Variants in CTR9 observed in about 807,000 individuals in gnomAD.
CTR9 encodes the protein RNA polymerase-associated protein CTR9 homolog.
In CTR9, 41 loss-of-function variants were observed where a neutral mutation model predicts 152.1. That is an observed-to-expected ratio of 0.27 (90% CI 0.21 to 0.35). The LOEUF is 0.35. Among genes scored for constraint, CTR9 ranks in the 10% least tolerant of loss-of-function variants. The pLI is 1.00. For missense variants in CTR9, 917 were observed against 1,424.4 expected (o/e 0.64, Z 5.73); for synonymous variants, 476 against 496.2 (o/e 0.96, Z 0.54).
intron 24 of CTR9, among the ~76,000 whole-genome samples, 180 bp downstream of exon 24, chr11:10,775,813 C>T (rs1449403498): frequency 1.3e-5 from 2 of 152,082 alleles, no homozygotes; most frequent in African/African-American, 2.4e-5. Flanking sequence ...GTTGCTGTGC[C>T]GAAATGGCTT....
chr11:10,779,061 G>A lies in CTR9; in HGVS notation c.3478G>A (p.Ala1160Thr), dbSNP rs1451911867. ...ESEPEGSNNE[A>T]SDRGSEHGSD... ...GGAACCAGAGGGATCCAACAATGAG[G>A]CCTCAGATAGAGGCTCAGAACATGG... Residue 1160 changes from alanine (A) to threonine (T), a missense_variant, in exon 25 of 25, where the codon GCC (alanine) becomes ACC (threonine). By Grantham distance (58) the Ala-to-Thr change is moderately conservative. Around this residue, in one of 9 missense-constraint regions of CTR9, gnomAD observed 384 missense variants for 398.4 expected, o/e 0.96. Transcript: ENST00000361367. 6.2e-7 allele frequency: 1 copy of A among 1,614,112 alleles called. No homozygotes were observed. Among genetic ancestry groups the A allele is most frequent in the South Asian group, 1.1e-5 (1 of 91,082 alleles).
intron 6 of CTR9, among the ~76,000 whole-genome samples, chr11:10,761,360 T>C (rs1220553592): frequency 3.0e-5 from 2 of 66,732 alleles, no homozygotes; most frequent in Non-Finnish European, 5.8e-5. Context: ...AAAATCTGGA[T>C]TCTGTTAGCA....
rs756767617 is a variant in CTR9, at chr11:10,775,225, A to G, written c.2904A>G (p.Glu968=). The part of the protein sequence containing the change: ...KKRRRHPKGE[E]GSDDDETENG... ...ATTTAAGACATCCAAAGGGAGAAGA[A>G]GGATCTGATGATGATGAAACAGAAA... Residue 968 remains glutamate, a synonymous_variant, in exon 23 of 25, where the codon GAA becomes GAG. Coordinates refer to ENST00000361367, the MANE Select transcript of CTR9 (RefSeq NM_014633.5). The G allele has an allele frequency of 2.5e-6, 4 of 1,613,788 alleles. No individual in the cohort carries two copies. The highest frequency in any genetic ancestry group is 1.6e-4 in the Middle Eastern group (1 of 6,084).
At position 10,756,713 on chromosome 11, in the gene CTR9, A is replaced by T. The variant is rs116505928; in HGVS notation, c.503-36A>T. 2,109 of 1,455,268 alleles carry T rather than the reference A, an allele frequency of 1.4e-3. 36 individuals are homozygous for T. In the African/African-American group the frequency reaches 0.027, roughly 19 times the overall value. The allele number at this position is 1,455,268 out of a possible 1,614,324, so 90.1% of individuals were successfully genotyped here. On this transcript the variant is annotated intron_variant, in intron 4 of 24. Transcript: ENST00000361367. Reference sequence around the variant, plus strand: ...AAACATAATAGACTTGTAGCCTTTAATCAGACACTGTGTTTATTTTTAAAA... The same window carrying T: ...AAACATAATAGACTTGTAGCCTTTATTCAGACACTGTGTTTATTTTTAAAA...
intron 5 of CTR9, among the ~76,000 whole-genome samples, chr11:10,759,870 C>A (rs1335065090): frequency 6.6e-6 from 1 of 151,978 alleles, no homozygotes; most frequent in Non-Finnish European, 1.5e-5. Context: ...AATTGTTCTT[C>A]AATAATGAGA....
Position 10,779,721 on chromosome 11 carries a change from A to G in CTR9, c.*616A>G, listed in dbSNP as rs553645425. 6.6e-6 allele frequency: 1 copy of G among 152,358 alleles called. No individual in the cohort carries two copies. Among genetic ancestry groups the G allele is most frequent in the South Asian group, 2.1e-4 (1 of 4,828 alleles). The allele number at this position is 152,358 out of a possible 1,614,324, so 9.4% of individuals were successfully genotyped here. A position where few individuals can be genotyped will look rare whatever the true frequency, so the allele number is the denominator to read the frequency against. ...ATGCAAAAACCTACCTAAGCCACAT[A>G]ATAATAAAATTCTTTTACCAACTTT... On this transcript the variant is annotated 3_prime_UTR_variant, in exon 25 of 25. Coordinates refer to ENST00000361367, the MANE Select transcript of CTR9 (RefSeq NM_014633.5).
chr11:10,775,142 C>A (rs1057279165), intron 22 of CTR9, 65 bp from the exon 23 acceptor site: 72 of 1,299,832 alleles, frequency 5.5e-5, no homozygotes, highest in Non-Finnish European at 7.1e-5. Flanking sequence ...AATTTAATGG[C>A]AAAGTAGTCT....
chr11:10,755,019 T>C lies in CTR9; in HGVS notation c.206T>C (p.Ile69Thr). The change falls in exon 3 of 25, where the codon ATA becomes ACA. Residue 69 changes from isoleucine (I) to threonine (T), a missense_variant. Coordinates refer to ENST00000361367, the MANE Select transcript of CTR9 (RefSeq NM_014633.5). ...EFVKLLEAARIDGNLDYRDHE... is the reference protein window; with the variant it reads ...EFVKLLEAARTDGNLDYRDHE... ...GTAAAATTGTTGGAAGCAGCACGTATAGATGGCAATTTGGACTATAGAGAC... is the reference window on the plus strand; with the variant it reads ...GTAAAATTGTTGGAAGCAGCACGTACAGATGGCAATTTGGACTATAGAGAC... 6.2e-7 allele frequency: 1 copy of C among 1,614,114 alleles called. No individual in the cohort carries two copies. The highest frequency in any genetic ancestry group is 8.5e-7 in the Non-Finnish European group (1 of 1,179,982).
chr11:10,771,907 A>T (rs1159458566), intron 19 of CTR9, among the ~76,000 whole-genome samples: 1 of 152,198 alleles, frequency 6.6e-6, no homozygotes, highest in African/African-American at 2.4e-5. Context: ...ATATGTAAAG[A>T]TAATGTTGGA....
Position 10,764,126 on chromosome 11 carries a change from G to T in CTR9, c.1209G>T (p.Lys403Asn), listed in dbSNP as rs1863020895. 1 of 1,614,054 alleles carries T rather than the reference G, an allele frequency of 6.2e-7. No individual in the cohort carries two copies. The highest frequency in any genetic ancestry group is 1.7e-5 in the Admixed American group (1 of 60,022). ...KRDIAKGHLK[K>N]VTEQYPDDVE... ...TTTTATCCCAGGGCCATTTGAAGAA[G>T]GTCACAGAACAGTATCCCGATGATG... The change falls in exon 10 of 25, where the codon AAG becomes AAT. Residue 403 changes from lysine to asparagine, a missense_variant. By Grantham distance (94) the Lys-to-Asn change is moderately conservative. Transcript: ENST00000361367.
At chr11:10,775,031 G>C (rs1227395344) in intron 22 of CTR9, among the ~76,000 whole-genome samples, 176 bp from the exon 23 acceptor site, 2 of 152,136 alleles carry the variant, frequency 1.3e-5, no homozygotes, top group Admixed American at 1.3e-4. Context: ...TTACATTTCT[G>C]AGCCACGTGC....
rs1564967753 is a variant in CTR9 at position 10,763,359 on chromosome 11, T to TA, written c.850-71dup. The TA allele has an allele frequency of 3.1e-6, 3 of 967,080 alleles. No homozygotes were observed. In the African/African-American group the frequency reaches 4.9e-5, roughly 16 times the overall value. The allele number at this position is 967,080 out of a possible 1,614,324, so 59.9% of individuals were successfully genotyped here. A position where few individuals can be genotyped will look rare whatever the true frequency, so the allele number is the denominator to read the frequency against. On this transcript the variant is annotated intron_variant, in intron 7 of 24. Transcript: ENST00000361367. Reference sequence around the variant, plus strand: ...TGTATCTTACAGGTAAACGAAGTGTTAGTCTAAGATAAAACAGCTATGCAA... The same window carrying TA: ...TGTATCTTACAGGTAAACGAAGTGTTAAGTCTAAGATAAAACAGCTATGCAA...
intron 16 of CTR9, among the ~76,000 whole-genome samples, chr11:10,769,032 C>T (rs1863102155): frequency 6.6e-6 from 1 of 151,992 alleles, no homozygotes; most frequent in Non-Finnish European, 1.5e-5. Context: ...ACCAGCCTGG[C>T]CAACATGGTG....
chr11:10,755,552 T>A lies in CTR9; in HGVS notation c.385-126T>A, dbSNP rs1227306913. 1.6e-5 allele frequency: 10 copies of A among 620,418 alleles called. No individual in the cohort carries two copies. In the Admixed American group the frequency reaches 2.2e-4, roughly 14 times the overall value. 38.4% of individuals were successfully genotyped at this position (620,418 alleles called of 1,614,324 possible). ...AATTAAGAATTGCTTGTTAGTAGCT[T>A]AAGCACGTTACATTTGATAGGGGAA... On this transcript the variant is annotated intron_variant, in intron 3 of 24. Transcript: ENST00000361367.
intron 6 of CTR9, among the ~76,000 whole-genome samples, 170 bp from the exon 7 acceptor site, chr11:10,761,777 G>T (rs1020799570): frequency 1.3e-5 from 2 of 152,004 alleles, no homozygotes; most frequent in Non-Finnish European, 2.9e-5. Context: ...TTAAAAGAGA[G>T]ATTTAATTAC....
chr11:10,754,112 A>G (rs1862847431), intron 2 of CTR9, among the ~76,000 whole-genome samples: 1 of 152,220 alleles, frequency 6.6e-6, no homozygotes, highest in South Asian at 2.1e-4. Flanking sequence ...GGCTCAAGCC[A>G]TCCTGCCACT....
intron 12 of CTR9, among the ~76,000 whole-genome samples, chr11:10,765,083 AGT>A (rs1427584979): frequency 1.3e-5 from 2 of 152,234 alleles, no homozygotes; most frequent in African/African-American, 4.8e-5. Context: ...TGTTTATAAT[AGT>A]GAGGAAGAAA....
chr11:10,758,506 TG>T (rs1323560302), intron 5 of CTR9, among the ~76,000 whole-genome samples: 4 of 152,206 alleles, frequency 2.6e-5, no homozygotes, highest in African/African-American at 9.7e-5. Flanking sequence ...CACAAGCAAT[TG>T]GAAAAGTAGA....
intron 16 of CTR9, among the ~76,000 whole-genome samples, chr11:10,769,769 A>G (rs1345071984): frequency 6.6e-6 from 1 of 152,230 alleles, no homozygotes; most frequent in Non-Finnish European, 1.5e-5. Flanking sequence ...CAAGAAGTTA[A>G]CAACCAGAAC....
Sources: gnomAD v4.1 joint callset for allele counts (sites outside exome capture counted in the v4.1 genomes callset) on GRCh38, gnomAD v4.1.1 for gene constraint, gnomAD v4.1.1 regional missense constraint, MANE v1.5 for transcripts, NCBI Gene and HGNC (gene_info 2026-07-23, HGNC 2026-07-21) for gene names.